Variants in SLC22A23 observed in about 807,000 individuals in gnomAD.
SLC22A23 encodes ion transporter protein.
Under a neutral mutation model 61.0 loss-of-function variants are expected in SLC22A23, and 26 were observed. That is an observed-to-expected ratio of 0.43 (90% CI 0.31 to 0.59). SLC22A23 has a LOEUF of 0.59. Among genes scored for constraint, SLC22A23 ranks in the 20% least tolerant of loss-of-function variants. The pLI is 0.11. For missense variants in SLC22A23, 796 were observed against 934.7 expected (o/e 0.85, Z 1.94); for synonymous variants, 430 against 413.9 (o/e 1.04, Z -0.47).
chr6:3,401,396 T>C (rs1191935213), intron 3 of SLC22A23, among the ~76,000 whole-genome samples: 1 of 151,708 alleles, frequency 6.6e-6, no homozygotes, highest in Non-Finnish European at 1.5e-5. Flanking sequence ...AATGGTAAAC[T>C]GTATGTAATG....
chr6:3,373,756 A>G lies in SLC22A23; in HGVS notation c.913+36432T>C, dbSNP rs116189078. Among the ~76,000 whole-genome samples the G allele has an allele frequency of 8.5e-3, 1,301 of 152,318 alleles. 17 individuals are homozygous for G. Among genetic ancestry groups the G allele is most frequent in the African/African-American group, 0.029 (1,217 of 41,570 alleles). On this transcript the variant is annotated intron_variant, in intron 3 of 9. Transcript: ENST00000406686. ...TCCATTCAGTGTTGACCAGGCACCA[A>G]TTACACACTCAGGGGACAGTGACAC...
At chr6:3,418,648 G>C (rs1387338108) in intron 1 of SLC22A23, among the ~76,000 whole-genome samples, 3 of 152,192 alleles carry the variant, frequency 2.0e-5, no homozygotes, top group African/African-American at 7.2e-5. Context: ...CCTGGGGAGG[G>C]GGTGCAGGAA....
intron 1 of SLC22A23, among the ~76,000 whole-genome samples, chr6:3,455,633 A>G (rs1482498357): frequency 2.6e-5 from 4 of 152,248 alleles, no homozygotes; most frequent in Non-Finnish European, 5.9e-5. Flanking sequence ...GTGACAGGTC[A>G]GCTGCCTCGC....
intron 3 of SLC22A23, among the ~76,000 whole-genome samples, chr6:3,331,725 G>T (rs1763592346): frequency 6.6e-6 from 1 of 152,218 alleles, no homozygotes; most frequent in African/African-American, 2.4e-5. Context: ...ATGCTCAGCA[G>T]CACATGCTTA....
chr6:3,304,086 T>C lies in SLC22A23; in HGVS notation c.1083-5868A>G, dbSNP rs1420416921. 6.6e-6 allele frequency among the ~76,000 whole-genome samples: 1 copy of C among 152,240 alleles called. No homozygotes were observed. Among genetic ancestry groups the C allele is most frequent in the African/African-American group, 2.4e-5 (1 of 41,470 alleles). ...GATCCCAGAGAGGATTCAATTCTGC[T>C]GTTCCCCTTTCTTATCTGGGCCCAC... On this transcript the variant is annotated intron_variant, in intron 4 of 9. Transcript: ENST00000406686. The surrounding 1 kb of genome is among the most constrained non-coding windows in gnomAD (Gnocchi z 4.3).
chr6:3,407,681 CTTG>C (rs1768929573), intron 3 of SLC22A23, among the ~76,000 whole-genome samples: 1 of 152,232 alleles, frequency 6.6e-6, no homozygotes, highest in African/African-American at 2.4e-5. Flanking sequence ...GGGTCAATCA[CTTG>C]TTGATACTTG....
intron 9 of SLC22A23, among the ~76,000 whole-genome samples, chr6:3,275,897 A>C (rs1271130183): frequency 6.6e-6 from 1 of 152,270 alleles, no homozygotes; most frequent in Non-Finnish European, 1.5e-5. Context: ...CTCAAAAAGA[A>C]GACAGATAAT....
rs1767337664 is a variant in SLC22A23, at chr6:3,386,759, A to C, written c.913+23429T>G. On this transcript the variant is annotated intron_variant, in intron 3 of 9. Transcript: ENST00000406686. The surrounding 1 kb of genome is among the most constrained non-coding windows in gnomAD (Gnocchi z 4.4). The stretch of plus-strand genomic sequence containing the variant: ...AGGCGGCAGTGGGACTGGGTCTCCC[A>C]CCCAGGGCACCACTGGAAGGACATC... 6.6e-6 allele frequency among the ~76,000 whole-genome samples: 1 copy of C among 152,184 alleles called. No individual in the cohort carries two copies. Among genetic ancestry groups the C allele is most frequent in the South Asian group, 2.1e-4 (1 of 4,826 alleles).
rs575233459 is a variant in SLC22A23 at position 3,410,918 on chromosome 6, C to T, written c.759-576G>A. 1.2e-4 allele frequency among the ~76,000 whole-genome samples: 19 copies of T among 152,312 alleles called. No homozygotes were observed. In the South Asian group the frequency reaches 3.9e-3, roughly 32 times the overall value. The stretch of plus-strand genomic sequence containing the variant: ...TAAGGGATCACACACTAAGGTAAGA[C>T]AGCGTGAACTTTAAATGCCCAGTGA... On this transcript the variant is annotated intron_variant, in intron 2 of 9. Transcript: ENST00000406686. The surrounding 1 kb of genome is among the most constrained non-coding windows in gnomAD (Gnocchi z 5.0).
At chr6:3,374,058 T>G (rs1286971842) in intron 3 of SLC22A23, among the ~76,000 whole-genome samples, 1 of 152,238 alleles carries the variant, frequency 6.6e-6, no homozygotes, top group Non-Finnish European at 1.5e-5. Flanking sequence ...ACACATCCTC[T>G]GATTTCAAAA....
At chr6:3,389,695 G>A (rs1390816296) in intron 3 of SLC22A23, among the ~76,000 whole-genome samples, 2 of 152,262 alleles carry the variant, frequency 1.3e-5, no homozygotes, top group Non-Finnish European at 2.9e-5. Flanking sequence ...ATCACTCATG[G>A]AGATGGCCTA....
In SLC22A23 at chr6:3,372,410, C is replaced by T. The variant is rs1234939616; in HGVS notation, c.913+37778G>A. Among the ~76,000 whole-genome samples the T allele has an allele frequency of 6.6e-6, 1 of 152,162 alleles. No individual in the cohort carries two copies. Among genetic ancestry groups the T allele is most frequent in the African/African-American group, 2.4e-5 (1 of 41,436 alleles). On this transcript the variant is annotated intron_variant, in intron 3 of 9. Transcript: ENST00000406686. This position sits in a 1 kb window ranked among gnomAD's most constrained non-coding sequence, Gnocchi z 4.7. ...GGCTGTGCTGGGAAGGGGGGATGGG[C>T]GTGGCTGCTGACAGCACGTAAGGTG...
chr6:3,433,335 G>C (rs1770992055), intron 1 of SLC22A23, among the ~76,000 whole-genome samples: 1 of 152,092 alleles, frequency 6.6e-6, no homozygotes, highest in Non-Finnish European at 1.5e-5. Flanking sequence ...TCAGCCCTAG[G>C]GAGTGAGTCC....
chr6:3,300,395 C>T (rs1194881480), intron 4 of SLC22A23, among the ~76,000 whole-genome samples: 1 of 152,120 alleles, frequency 6.6e-6, no homozygotes, highest in South Asian at 2.1e-4. Flanking sequence ...ATGTTGGAAA[C>T]TAAACCCCAA....
chr6:3,371,559 C>T (rs1215443094), intron 3 of SLC22A23, among the ~76,000 whole-genome samples: 1 of 152,148 alleles, frequency 6.6e-6, no homozygotes, highest in Admixed American at 6.5e-5. Flanking sequence ...CAGGCCTGCC[C>T]CTTACCAGCT....
At chr6:3,293,595 C>T (rs1231608238) in intron 5 of SLC22A23, among the ~76,000 whole-genome samples, 6 of 152,256 alleles carry the variant, frequency 3.9e-5, no homozygotes, top group Non-Finnish European at 7.3e-5. Context: ...TCTCTGTCCT[C>T]GTCTGCCCAG....
intron 3 of SLC22A23, among the ~76,000 whole-genome samples, chr6:3,409,048 C>T (rs1335368706): frequency 6.6e-6 from 1 of 152,248 alleles, no homozygotes; most frequent in Non-Finnish European, 1.5e-5. Flanking sequence ...AAGCCCAATA[C>T]TCGCATTATT....
At chr6:3,397,009 C>T (rs754532757) in intron 3 of SLC22A23, among the ~76,000 whole-genome samples, 1 of 152,106 alleles carries the variant, frequency 6.6e-6, no homozygotes, top group Non-Finnish European at 1.5e-5. Flanking sequence ...CACCCCGTCA[C>T]GCACGCCCAC....
At chr6:3,435,726 A>G (rs933802420) in intron 1 of SLC22A23, among the ~76,000 whole-genome samples, 3 of 152,128 alleles carry the variant, frequency 2.0e-5, no homozygotes, top group Admixed American at 1.3e-4. Flanking sequence ...CCCTAACAAG[A>G]TATGCTGGAA....
Sources: allele counts gnomAD v4.1 joint callset (sites outside exome capture counted in the v4.1 genomes callset), GRCh38; gene constraint gnomAD v4.1.1; non-coding constraint Gnocchi (gnomAD v3.1); transcripts MANE v1.5; gene names NCBI Gene and HGNC (gene_info 2026-07-23, HGNC 2026-07-21).